DLGAP2: variants seen among roughly 807,000 people sequenced by gnomAD.
DLGAP2 encodes the protein DLG associated protein 2, also known as disks large-associated protein 2.
Under a neutral mutation model 100.3 loss-of-function variants are expected in DLGAP2, and 26 were observed. The observed-to-expected ratio is 0.26, with a 90% CI of 0.19 to 0.36. The LOEUF is 0.36. Ranked by LOEUF, DLGAP2 falls within the 10% of genes least tolerant of loss-of-function variation. DLGAP2 has a pLI of 1.00. For missense variants in DLGAP2, 1,858 were observed against 1,453.2 expected (o/e 1.28, Z -4.53); for synonymous variants, 886 against 630.1 (o/e 1.41, Z -6.08).
chr8:1,532,162 G>T (rs746972945), intron 4 of DLGAP2, among the ~76,000 whole-genome samples: 4 of 152,144 alleles, frequency 2.6e-5, no homozygotes, highest in Admixed American at 6.5e-5. Flanking sequence ...AGGCAGGTTT[G>T]CCCTGAGCAG....
chr8:1,350,934 C>T (rs1347353427), intron 3 of DLGAP2, among the ~76,000 whole-genome samples: 2 of 134,800 alleles, frequency 1.5e-5, no homozygotes, highest in African/African-American at 2.9e-5. Flanking sequence ...GTGGAAAGGC[C>T]GTGCGGGTCC....
At chr8:1,344,128 G>GTGGGTCCGTGTACTCGGGGCCCTGTCC (rs1801490602) in intron 3 of DLGAP2, among the ~76,000 whole-genome samples, 3 of 108,018 alleles carry the variant, frequency 2.8e-5, no homozygotes, top group African/African-American at 7.3e-5. Context: ...GGGCCCTGTC[G>GTGGGTCCGTGTACTCGGGGCCCTGTCC]TGGGTCCGTG....
At chr8:958,794 A>G (rs988742486) in intron 2 of DLGAP2, among the ~76,000 whole-genome samples, 1 of 152,178 alleles carries the variant, frequency 6.6e-6, no homozygotes, top group Non-Finnish European at 1.5e-5. Flanking sequence ...TGGAAAGGGC[A>G]TATTGTGAGA....
intron 2 of DLGAP2, among the ~76,000 whole-genome samples, chr8:1,012,045 C>T (rs1273724635): frequency 6.6e-6 from 1 of 152,226 alleles, no homozygotes; most frequent in Non-Finnish European, 1.5e-5. Flanking sequence ...ATAGGCCCTG[C>T]AAACACATGC....
intron 2 of DLGAP2, among the ~76,000 whole-genome samples, chr8:1,092,835 G>A (rs2129041857): frequency 6.6e-6 from 1 of 152,300 alleles, no homozygotes; most frequent in South Asian, 2.1e-4. Context: ...TTCCTGGAAG[G>A]CCAGGAGTGT....
At chr8:1,189,724 C>T (rs907565845) in intron 2 of DLGAP2, among the ~76,000 whole-genome samples, 3 of 152,022 alleles carry the variant, frequency 2.0e-5, no homozygotes, top group African/African-American at 7.2e-5. Flanking sequence ...GAAGCGAGCT[C>T]GAGTTATCCA....
intron 2 of DLGAP2, among the ~76,000 whole-genome samples, chr8:1,136,741 C>T (rs1164931636): frequency 6.6e-6 from 1 of 152,192 alleles, no homozygotes. Context: ...TTGAGGCTGG[C>T]AAACATGGAG....
At chr8:1,022,823 GA>G (rs1801668352) in intron 2 of DLGAP2, among the ~76,000 whole-genome samples, 3 of 152,170 alleles carry the variant, frequency 2.0e-5, no homozygotes, top group African/African-American at 7.2e-5. Context: ...CCCGGGAGTG[GA>G]TGGTTCCGTG....
At chr8:1,625,626 A>G (rs1024658032) in intron 6 of DLGAP2, among the ~76,000 whole-genome samples, 4 of 152,222 alleles carry the variant, frequency 2.6e-5, no homozygotes, top group Non-Finnish European at 5.9e-5. Flanking sequence ...AAATATGTAA[A>G]GTTGCCAGAG....
intron 2 of DLGAP2, among the ~76,000 whole-genome samples, chr8:1,108,038 T>C (rs1365056140): frequency 1.3e-5 from 2 of 152,186 alleles, no homozygotes; most frequent in Non-Finnish European, 2.9e-5. Context: ...AAAACCAACT[T>C]GCGTGTTTTC....
intron 2 of DLGAP2, among the ~76,000 whole-genome samples, chr8:994,065 A>G (rs1800713739): frequency 1.3e-5 from 2 of 152,210 alleles, no homozygotes; most frequent in East Asian, 1.9e-4. Context: ...AGACAGTACT[A>G]TGGTGGTTTT....
At chr8:1,191,296 G>T (rs1025349089) in intron 2 of DLGAP2, among the ~76,000 whole-genome samples, 2 of 149,668 alleles carry the variant, frequency 1.3e-5, no homozygotes, top group African/African-American at 2.5e-5. Flanking sequence ...TCAGCCTCCC[G>T]AGTAGCTGGG....
intron 3 of DLGAP2, among the ~76,000 whole-genome samples, chr8:1,471,588 T>G (rs987822888): frequency 4.5e-5 from 6 of 132,182 alleles, no homozygotes; most frequent in Non-Finnish European, 6.4e-5. Flanking sequence ...GCCTCCCTCC[T>G]AACCTCCTCT....
rs1433181325 is a variant in DLGAP2, at chr8:1,706,724, AG to A, written c.*5320del. On this transcript the variant is annotated 3_prime_UTR_variant, in exon 15 of 15. Coordinates refer to ENST00000637795, the MANE Select transcript of DLGAP2 (RefSeq NM_001346810.2). ...GATAAACTAAACATTAAAATGATGA[AG>A]GAAAAAAAATTATTTGGAAGCCGAA... 7.2e-5 allele frequency: 11 copies of A among 152,190 alleles called. No individual in the cohort carries two copies. The highest frequency in any genetic ancestry group is 1.9e-4 in the African/African-American group (8 of 41,452). The allele number at this position is 152,190 out of a possible 1,614,324, so 9.4% of individuals were successfully genotyped here.
At chr8:749,874 T>C (rs1227523130) in intron 1 of DLGAP2, among the ~76,000 whole-genome samples, 1 of 152,184 alleles carries the variant, frequency 6.6e-6, no homozygotes, top group Admixed American at 6.5e-5. Context: ...CCTCCTCTCC[T>C]GGCTTCTGAT....
intron 3 of DLGAP2, among the ~76,000 whole-genome samples, chr8:1,320,927 C>T (rs1800884006): frequency 6.6e-6 from 1 of 152,090 alleles, no homozygotes; most frequent in East Asian, 1.9e-4. Context: ...GTGCATGTAT[C>T]TGTGTGTATA....
At chr8:1,419,567 T>A (rs1479601647) in intron 3 of DLGAP2, among the ~76,000 whole-genome samples, 1 of 152,188 alleles carries the variant, frequency 6.6e-6, no homozygotes, top group African/African-American at 2.4e-5. Context: ...TTGATACGTG[T>A]ACATAATGTA....
chr8:1,506,984 G>A (rs1379656738), intron 4 of DLGAP2, among the ~76,000 whole-genome samples: 1 of 152,232 alleles, frequency 6.6e-6, no homozygotes, highest in Non-Finnish European at 1.5e-5. Flanking sequence ...ACAGGGTGCT[G>A]ATTGGTGCAT....
intron 1 of DLGAP2, among the ~76,000 whole-genome samples, chr8:759,397 G>T (rs971800928): frequency 6.6e-6 from 1 of 152,118 alleles, no homozygotes; most frequent in African/African-American, 2.4e-5. Context: ...GGTTGACGTG[G>T]CTCCCCCTGG....
Sources: allele counts gnomAD v4.1 joint callset (sites outside exome capture counted in the v4.1 genomes callset), GRCh38; gene constraint gnomAD v4.1.1; transcripts MANE v1.5; gene names NCBI Gene and HGNC (gene_info 2026-07-23, HGNC 2026-07-21).